HMGCLL1: variants seen among roughly 807,000 people sequenced by gnomAD.
HMGCLL1 encodes 3-hydroxy-3-methylglutaryl-CoA lyase like 1.
Under a neutral mutation model 39.1 loss-of-function variants are expected in HMGCLL1, and 36 were observed. The ratio of observed to expected loss-of-function variants is 0.92; its 90% CI spans 0.71 to 1.22. The LOEUF is 1.22. HMGCLL1 is among the 50% of genes most tolerant of loss of function. The pLI, the probability that HMGCLL1 is intolerant of heterozygous loss-of-function variation, is 0.00. For synonymous variants in HMGCLL1, 149 were observed against 144.0 expected (o/e 1.03, Z -0.25); for missense variants, 451 against 416.5 (o/e 1.08, Z -0.72).
At chr6:55,550,189 GA>G (rs1262130228) in intron 1 of HMGCLL1, among the ~76,000 whole-genome samples, 2 of 151,992 alleles carry the variant, frequency 1.3e-5, no homozygotes, top group African/African-American at 2.4e-5. Flanking sequence ...GAAGTTAGGT[GA>G]AATCTATACC....
intron 4 of HMGCLL1, 79 bp downstream of exon 4, chr6:55,516,429 T>C (rs1561930678): frequency 2.3e-6 from 2 of 879,912 alleles, no homozygotes; most frequent in East Asian, 2.5e-5. Context: ...GAGTTACATA[T>C]GACACAATTT....
chr6:55,492,445 G>C (rs890976272), intron 7 of HMGCLL1, among the ~76,000 whole-genome samples: 7 of 152,210 alleles, frequency 4.6e-5, no homozygotes, highest in African/African-American at 1.7e-4. Context: ...CAGTCCACGT[G>C]TGTTTGCAGT....
At chr6:55,600,860 T>C in the HMGCLL1 span, among the ~76,000 whole-genome samples, 1 of 152,098 alleles carries the variant, frequency 6.6e-6, no homozygotes, top group South Asian at 2.1e-4. Flanking sequence ...AGAAGCTATG[T>C]TACAATGTAA....
the HMGCLL1 span, among the ~76,000 whole-genome samples, chr6:55,672,321 A>T: frequency 1.3e-4 from 20 of 151,786 alleles, no homozygotes; most frequent in East Asian, 3.7e-3. Flanking sequence ...AATAAATAAA[A>T]ATTAATTTTG....
At chr6:55,531,642 A>G (rs1047379518) in intron 3 of HMGCLL1, among the ~76,000 whole-genome samples, 3 of 152,072 alleles carry the variant, frequency 2.0e-5, no homozygotes, top group African/African-American at 7.2e-5. Context: ...GCTGGTTAGG[A>G]ATGGGGCCAC....
At chr6:55,628,801 TAAG>T in the HMGCLL1 span, among the ~76,000 whole-genome samples, 1 of 152,152 alleles carries the variant, frequency 6.6e-6, no homozygotes, top group Non-Finnish European at 1.5e-5. Flanking sequence ...GATGGTTTTA[TAAG>T]AAGGAGTTTC....
At chr6:55,577,136 T>C (rs1392268179) in intron 1 of HMGCLL1, 1 of 1,605,804 alleles carries the variant, frequency 6.2e-7, no homozygotes, top group Non-Finnish European at 8.5e-7. Flanking sequence ...GACATCGGGC[T>C]GAAAGCAGTG....
intron 7 of HMGCLL1, among the ~76,000 whole-genome samples, chr6:55,463,112 C>T (rs930570737): frequency 5.3e-5 from 8 of 151,146 alleles, no homozygotes; most frequent in African/African-American, 7.3e-5. Flanking sequence ...CTCACTGCAA[C>T]CTCCGCCTCC....
In HMGCLL1 at chr6:55,514,208, A is replaced by G. The variant is rs750838794; in HGVS notation, c.394-12T>C. 3 of 1,591,460 alleles carry G rather than the reference A, an allele frequency of 1.9e-6. No individual in the cohort carries two copies. Among genetic ancestry groups the G allele is most frequent in the South Asian group, 2.3e-5 (2 of 86,442 alleles). On this transcript the variant is annotated splice_polypyrimidine_tract_variant and intron_variant, in intron 4 of 8. Transcript: ENST00000274901. ...GCTCCAGCAGCAACCTGAAAAATAT[A>G]TAATTTAAAGCCAAATCTAATAACT...
chr6:55,439,935 A>G (rs770920493), intron 7 of HMGCLL1, among the ~76,000 whole-genome samples: 39 of 152,286 alleles, frequency 2.6e-4, no homozygotes, highest in Non-Finnish European at 3.8e-4. Context: ...TATAAGCAAC[A>G]TGAAATATTT....
chr6:55,630,030 G>A, the HMGCLL1 span, among the ~76,000 whole-genome samples: 2 of 152,156 alleles, frequency 1.3e-5, no homozygotes, highest in Non-Finnish European at 2.9e-5. Context: ...GGAGCTGTGA[G>A]AAGAAGGCAA....
At chr6:55,501,272 C>CT (rs1766870351) in intron 5 of HMGCLL1, among the ~76,000 whole-genome samples, 1 of 151,866 alleles carries the variant, frequency 6.6e-6, no homozygotes, top group African/African-American at 2.4e-5. Flanking sequence ...GGTTGGTACA[C>CT]TAAGGCCCAG....
At chr6:55,594,094 G>A in the HMGCLL1 span, among the ~76,000 whole-genome samples, 7 of 152,062 alleles carry the variant, frequency 4.6e-5, no homozygotes, top group African/African-American at 1.7e-4. Flanking sequence ...AAATATATTC[G>A]GTCTCAAAAT....
chr6:55,513,962 A>T, intron 5 of HMGCLL1, 86 bp downstream of exon 5: 1 of 1,139,222 alleles, frequency 8.8e-7, no homozygotes, highest in South Asian at 1.4e-5. Flanking sequence ...TATTTTTATA[A>T]ATGATATAAG....
At position 55,560,313 on chromosome 6, in the gene HMGCLL1, C is replaced by A. The variant is rs539330059; in HGVS notation, c.109-18173G>T. Among the ~76,000 whole-genome samples the A allele has an allele frequency of 5.7e-4, 87 of 152,260 alleles. 2 individuals are homozygous for A. The South Asian group carries it at 0.018, about 31-fold the overall frequency. Reference sequence around the variant, plus strand: ...GTGTAATAGCAGGATGTCTTTGCAACTCTAGGAAATGACGCCTAGTGGCTC... The same window carrying A: ...GTGTAATAGCAGGATGTCTTTGCAAATCTAGGAAATGACGCCTAGTGGCTC... On this transcript the variant is annotated intron_variant, in intron 1 of 8. Coordinates refer to ENST00000274901, the MANE Select transcript of HMGCLL1 (RefSeq NM_001042406.2).
At chr6:55,484,647 C>A (rs1055931452) in intron 7 of HMGCLL1, among the ~76,000 whole-genome samples, 17 of 152,198 alleles carry the variant, frequency 1.1e-4, no homozygotes, top group Admixed American at 9.8e-4. Flanking sequence ...TCTTTGTGAT[C>A]ATTTTCTTTC....
chr6:55,479,012 AC>A (rs1765596343), intron 7 of HMGCLL1, among the ~76,000 whole-genome samples: 2 of 151,432 alleles, frequency 1.3e-5, no homozygotes, highest in African/African-American at 4.9e-5. Context: ...TTTTTTGCCT[AC>A]CATCTGCCAG....
the HMGCLL1 span, among the ~76,000 whole-genome samples, chr6:55,645,209 T>A: frequency 2.0e-5 from 3 of 152,022 alleles, no homozygotes; most frequent in Admixed American, 2.0e-4. Flanking sequence ...TGATCACCAT[T>A]GGCATATAGA....
At chr6:55,601,090 GA>G in the HMGCLL1 span, among the ~76,000 whole-genome samples, 2 of 152,060 alleles carry the variant, frequency 1.3e-5, no homozygotes, top group South Asian at 4.1e-4. Flanking sequence ...TGGGCATCCT[GA>G]ATTTTACTTA....
Sources: allele counts gnomAD v4.1 joint callset (sites outside exome capture counted in the v4.1 genomes callset), GRCh38; gene constraint gnomAD v4.1.1; transcripts MANE v1.5; gene names NCBI Gene and HGNC (gene_info 2026-07-23, HGNC 2026-07-21).